Variants in CACNA1I observed in about 807,000 individuals in gnomAD.
CACNA1I encodes the protein voltage-dependent T-type calcium channel subunit alpha-1I.
CACNA1I carries 74 observed loss-of-function variants against 201.6 expected under a neutral mutation model. That is an observed-to-expected ratio of 0.37 (90% confidence interval 0.30 to 0.45). The LOEUF is 0.45. CACNA1I is among the 20% of genes least tolerant of loss of function. The pLI is 1.00. For synonymous variants in CACNA1I, 1,431 were observed against 1,345.2 expected, an observed-to-expected ratio of 1.06 and a Z score of -1.40; for missense variants, 2,346 against 3,138.1, an observed-to-expected ratio of 0.75 and a Z score of 6.03.
At chr22:39,586,556 GA>G (rs1246229941) in intron 1 of CACNA1I, among the ~76,000 whole-genome samples, 1 of 152,136 alleles carries the variant, frequency 6.6e-6, no homozygotes, top group African/African-American at 2.4e-5. Context: ...TTGTGGCACA[GA>G]AAAGGTTAAG....
intron 1 of CACNA1I, among the ~76,000 whole-genome samples, chr22:39,585,957 A>G (rs1357021151): frequency 6.6e-6 from 1 of 151,924 alleles, no homozygotes; most frequent in Non-Finnish European, 1.5e-5. Context: ...AGGTGGGTGG[A>G]TCACGAGGTC....
intron 10 of CACNA1I, among the ~76,000 whole-genome samples, chr22:39,652,443 C>T (rs1934679419): frequency 6.6e-6 from 1 of 152,240 alleles, no homozygotes; most frequent in Non-Finnish European, 1.5e-5. Flanking sequence ...CTTTCCCTCA[C>T]AGGGACAGGC....
rs747324804 is a variant in CACNA1I at position 39,659,383 on chromosome 22, G to A, written c.2331-50G>A. 16 of 1,226,814 alleles carry A rather than the reference G, an allele frequency of 1.3e-5. No individual in the cohort carries two copies. The highest frequency in any genetic ancestry group is 1.9e-5 in the Non-Finnish European group (16 of 851,294). 76.0% of individuals were successfully genotyped at this position (1,226,814 alleles called of 1,614,324 possible). ...GACTGAGAATGAAACAAGGTGAGTA[G>A]GCAGTTTGGTGCATGTGAGTCCGAT... On this transcript the variant is annotated intron_variant, in intron 12 of 36. Coordinates refer to ENST00000402142, the MANE Select transcript of CACNA1I (RefSeq NM_021096.4). The surrounding 1 kb of genome is among the most constrained non-coding windows in gnomAD (Gnocchi z 4.3).
intron 1 of CACNA1I, among the ~76,000 whole-genome samples, chr22:39,593,136 G>A (rs1250336371): frequency 2.0e-5 from 3 of 152,234 alleles, no homozygotes; most frequent in Non-Finnish European, 4.4e-5. Context: ...CTCCTGCGGG[G>A]ACCCAGTGCA....
intron 4 of CACNA1I, among the ~76,000 whole-genome samples, chr22:39,633,190 C>G (rs1473128043): frequency 6.6e-6 from 1 of 152,112 alleles, no homozygotes; most frequent in Non-Finnish European, 1.5e-5. Context: ...ATCATTCATT[C>G]ATGAGTAGTC....
intron 1 of CACNA1I, among the ~76,000 whole-genome samples, chr22:39,572,906 A>C (rs1932233318): frequency 6.6e-6 from 1 of 151,874 alleles, no homozygotes; most frequent in African/African-American, 2.4e-5. Flanking sequence ...ACAGGCACCC[A>C]CCGCCATGCC....
intron 5 of CACNA1I, among the ~76,000 whole-genome samples, chr22:39,637,742 G>GTTGTA (rs1196075164): frequency 6.6e-6 from 1 of 152,172 alleles, no homozygotes; most frequent in Non-Finnish European, 1.5e-5. Flanking sequence ...GAATCTCTTA[G>GTTGTA]TTGTAATGAA....
chr22:39,653,363 C>T (rs906832580), intron 10 of CACNA1I, among the ~76,000 whole-genome samples: 2 of 152,220 alleles, frequency 1.3e-5, no homozygotes, highest in South Asian at 4.1e-4. Flanking sequence ...CTCCTGGGCT[C>T]TGCGCAGGGC....
chr22:39,577,986 C>T (rs928343738), intron 1 of CACNA1I, among the ~76,000 whole-genome samples: 1 of 152,204 alleles, frequency 6.6e-6, no homozygotes, highest in African/African-American at 2.4e-5. Context: ...CTGGGGCAAG[C>T]ATGGACAAAC....
intron 1 of CACNA1I, among the ~76,000 whole-genome samples, chr22:39,578,586 C>T (rs1416889649): frequency 6.6e-6 from 1 of 151,990 alleles, no homozygotes; most frequent in South Asian, 2.1e-4. Flanking sequence ...CCCCTGGGCT[C>T]CCCCTCTCCT....
intron 1 of CACNA1I, among the ~76,000 whole-genome samples, chr22:39,575,731 T>C (rs935264732): frequency 6.6e-6 from 1 of 152,028 alleles, no homozygotes; most frequent in Admixed American, 6.5e-5. Flanking sequence ...AACCTATTAT[T>C]ATTTTCCACC....
chr22:39,662,180 C>T lies in CACNA1I; in HGVS notation c.3117C>T (p.His1039=), dbSNP rs1236072926. ...CCCTGCACACCCCACACGCCCACCA[C>T]ATTCATCACGGGCCCCATCTGGCGC... is the stretch of plus-strand genomic sequence containing the variant. ...AAPLHTPHAH[H]IHHGPHLAHR... The change falls in exon 17 of 37, where the codon CAC becomes CAT. Residue 1039 remains histidine, a synonymous_variant. Transcript: ENST00000402142. 6.5e-7 allele frequency: 1 copy of T among 1,531,966 alleles called. No homozygotes were observed. Among genetic ancestry groups the T allele is most frequent in the East Asian group, 2.6e-5 (1 of 38,522 alleles). 94.9% of individuals were successfully genotyped at this position (1,531,966 alleles called of 1,614,324 possible). A position where few individuals can be genotyped will look rare whatever the true frequency, so the allele number is the denominator to read the frequency against.
chr22:39,619,320 TACTCCCTGG>T lies in CACNA1I; in HGVS notation c.496_504del (p.Ser166_Asp168del). The T allele has an allele frequency of 6.2e-7, 1 of 1,608,338 alleles. No individual in the cohort carries two copies. Among genetic ancestry groups the T allele is most frequent in the Non-Finnish European group, 8.5e-7 (1 of 1,179,228 alleles). On this transcript the variant is annotated inframe_deletion, in exon 4 of 37. Transcript: ENST00000402142. ...CTCCTTTCTCTGCAGGATGGTCGAG[TACTCCCTGG>T]ACCTTCAGAACATCAACCTGTCAGC...
intron 1 of CACNA1I, among the ~76,000 whole-genome samples, chr22:39,581,092 C>G (rs1438962125): frequency 6.6e-6 from 1 of 152,204 alleles, no homozygotes; most frequent in Non-Finnish European, 1.5e-5. Context: ...GTAGAGGGAA[C>G]CTCTGGGGGG....
intron 1 of CACNA1I, among the ~76,000 whole-genome samples, chr22:39,575,196 G>T (rs1932305717): frequency 6.6e-6 from 1 of 152,250 alleles, no homozygotes; most frequent in South Asian, 2.1e-4. Context: ...GAGGTGGCGT[G>T]TGGCACCGTG....
rs375312849 is a variant in CACNA1I at position 39,679,130 on chromosome 22, C to T, written c.5079C>T (p.His1693=). Residue 1693 remains histidine, a synonymous_variant, in exon 32 of 37, where the codon CAC becomes CAT. Transcript: ENST00000402142. ...IMKDTLRDCT[H]DERSCLSSLQ... is the part of the protein sequence containing the mutation. ...AGGACACGCTGCGGGACTGCACCCA[C>T]GACGAGCGCAGCTGCCTGAGCAGCC... is the stretch of plus-strand genomic sequence containing the variant. The T allele has an allele frequency of 1.3e-5, 21 of 1,593,860 alleles. No individual in the cohort carries two copies. Among genetic ancestry groups the T allele is most frequent in the African/African-American group, 6.7e-5 (5 of 74,580 alleles).
chr22:39,601,890 T>TTACCCTCC (rs1933052556), intron 3 of CACNA1I, among the ~76,000 whole-genome samples: 1 of 19,530 alleles, frequency 5.1e-5, no homozygotes, highest in Non-Finnish European at 1.0e-4. Context: ...TCTCTTTCTT[T>TTACCCTCC]CACCCTCCCT....
rs1395975955 is a variant in CACNA1I at position 39,648,809 on chromosome 22, G to T, written c.1568-692G>T. ...TCTTTGAGATGGTTCACAGATCACAGAACTCAGTCCAGGGCCAGCCCAGGC... is the reference window on the plus strand; with the variant it reads ...TCTTTGAGATGGTTCACAGATCACATAACTCAGTCCAGGGCCAGCCCAGGC... On this transcript the variant is annotated intron_variant, in intron 9 of 36. Transcript: ENST00000402142. The surrounding 1 kb of genome is among the most constrained non-coding windows in gnomAD (Gnocchi z 5.4). Among the ~76,000 whole-genome samples, 1 of 152,120 alleles carries T rather than the reference G, an allele frequency of 6.6e-6. No homozygotes were observed. The highest frequency in any genetic ancestry group is 6.5e-5 in the Admixed American group (1 of 15,278).
At chr22:39,598,969 A>G (rs1466386270) in intron 2 of CACNA1I, among the ~76,000 whole-genome samples, 11 of 28,332 alleles carry the variant, frequency 3.9e-4, no homozygotes, top group South Asian at 2.6e-3. Flanking sequence ...TTTTTTTGAG[A>G]CAGAGTCTCA....
Sources: gnomAD v4.1 joint callset for allele counts (sites outside exome capture counted in the v4.1 genomes callset) on GRCh38, gnomAD v4.1.1 for gene constraint, Gnocchi (gnomAD v3.1) non-coding constraint, MANE v1.5 for transcripts, NCBI Gene and HGNC (gene_info 2026-07-23, HGNC 2026-07-21) for gene names.